SPTA1: variants seen among roughly 807,000 people sequenced by gnomAD.
SPTA1 encodes spectrin alpha, erythrocytic 1.
In SPTA1, 177 loss-of-function variants were observed where a neutral mutation model predicts 324.7. That is an observed-to-expected ratio of 0.55 (90% CI 0.48 to 0.62). The LOEUF (loss-of-function observed/expected upper bound fraction) is 0.62, where lower values mean the gene tolerates loss of function less well. Among genes scored for constraint, SPTA1 ranks in the 20% least tolerant of loss-of-function variants. The probability of loss-of-function intolerance (pLI) is 0.00; values close to 1 mark genes in which losing one functional copy is unlikely to be tolerated. For synonymous variants in SPTA1, 1,195 were observed against 1,041.3 expected, an observed-to-expected ratio of 1.15 and a Z score of -2.84; for missense variants, 3,162 against 2,883.6, an observed-to-expected ratio of 1.10 and a Z score of -2.21.
Position 158,676,175 on chromosome 1 carries a change from T to A in SPTA1, c.1078A>T (p.Thr360Ser), listed in dbSNP as rs34133563. The change falls in exon 8 of 52, where the codon ACC (threonine) becomes TCC (serine). Residue 360 changes from threonine to serine, a missense_variant. Physicochemically the swap from Thr to Ser is moderately conservative, Grantham distance 58 (BLOSUM62 1). Transcript: ENST00000643759. ...SSWEHIRALA[T>S]SRYEKLQATY... is the part of the protein sequence containing the mutation. ...GCCTGCAGTTTTTCATATCTGCTGG[T>A]GGCCAGGGCACGAATATGCTCCCAG... The A allele has an allele frequency of 9.0e-4, 1,446 of 1,613,720 alleles. 12 individuals are homozygous for A. The African/African-American group carries it at 0.014, about 16-fold the overall frequency.
intron 39 of SPTA1, among the ~76,000 whole-genome samples, chr1:158,628,595 C>G (rs150407890): frequency 6.6e-6 from 1 of 151,906 alleles, no homozygotes; most frequent in Admixed American, 6.6e-5. Flanking sequence ...TTTGAAGAAA[C>G]GGTAAATGAA....
chr1:158,661,470 C>G, intron 17 of SPTA1, 61 bp from the exon 18 acceptor site: 1 of 1,610,626 alleles, frequency 6.2e-7, no homozygotes, highest in Non-Finnish European at 8.5e-7. Flanking sequence ...TAGCATACCT[C>G]ACTTTTTTAG....
At chr1:158,627,091 C>G (rs1055978040) in intron 40 of SPTA1, 84 bp from the exon 41 acceptor site, 7 of 1,547,838 alleles carry the variant, frequency 4.5e-6, no homozygotes, top group Non-Finnish European at 5.3e-6. Flanking sequence ...AAGCACTCAT[C>G]TCTCCCATTT....
chr1:158,660,024 TAC>T (rs1208122507), intron 18 of SPTA1, among the ~76,000 whole-genome samples: 22 of 152,208 alleles, frequency 1.4e-4, no homozygotes, highest in African/African-American at 5.1e-4. Context: ...ATAATAAACA[TAC>T]ACACACAAAC....
At chr1:158,660,186 G>A (rs978785729) in intron 18 of SPTA1, among the ~76,000 whole-genome samples, 2 of 152,130 alleles carry the variant, frequency 1.3e-5, no homozygotes, top group African/African-American at 4.8e-5. Flanking sequence ...ATTGATGATT[G>A]CACTAAGTGT....
intron 39 of SPTA1, among the ~76,000 whole-genome samples, chr1:158,631,664 A>T (rs976292162): frequency 1.3e-5 from 2 of 152,312 alleles, no homozygotes; most frequent in Admixed American, 1.3e-4. Context: ...TTCCCTAAAA[A>T]GGCATGTAAA....
chr1:158,621,660 C>T (rs1649918185), intron 43 of SPTA1, among the ~76,000 whole-genome samples: 1 of 152,054 alleles, frequency 6.6e-6, no homozygotes, highest in Non-Finnish European at 1.5e-5. Context: ...AAGTTGCCCA[C>T]TTAATTGATT....
chr1:158,639,727 C>T, intron 34 of SPTA1, 41 bp from the exon 35 acceptor site: 2 of 1,612,964 alleles, frequency 1.2e-6, no homozygotes, highest in Non-Finnish European at 1.7e-6. Flanking sequence ...CCAGGTGAAA[C>T]TGCCTTTAAG....
intron 51 of SPTA1, chr1:158,611,755 G>C: frequency 4.2e-6 from 1 of 240,114 alleles, no homozygotes; most frequent in East Asian, 1.2e-4. Flanking sequence ...TATGAGTAAG[G>C]TAAAATACTC....
In SPTA1 at chr1:158,661,271, T is replaced by A. The variant is rs752119145; in HGVS notation, c.2587+16A>T. 64 of 1,613,700 alleles carry A rather than the reference T, an allele frequency of 4.0e-5. No homozygotes were observed. The highest frequency in any genetic ancestry group is 5.3e-5 in the Non-Finnish European group (62 of 1,179,782). On this transcript the variant is annotated intron_variant, in intron 18 of 51. Transcript: ENST00000643759. The stretch of plus-strand genomic sequence containing the variant: ...CCTGGTGATGTTTTGTCCAACTGAA[T>A]CTCAATCATACATACCTTCCTCTAC...
chr1:158,649,008 T>C (rs746519763), intron 25 of SPTA1, among the ~76,000 whole-genome samples: 1 of 152,214 alleles, frequency 6.6e-6, no homozygotes, highest in Admixed American at 6.5e-5. Flanking sequence ...CATAGCTTTC[T>C]ATCTTAAGCA....
At chr1:158,654,515 A>T in intron 21 of SPTA1, 96 bp downstream of exon 21, 1 of 1,508,016 alleles carries the variant, frequency 6.6e-7, no homozygotes, top group Non-Finnish European at 9.0e-7. Context: ...TAATAAAATA[A>T]ATGTTAGATG....
Position 158,652,982 on chromosome 1 carries a change from GT to G in SPTA1, c.3188+291del, listed in dbSNP as rs527576729. On this transcript the variant is annotated intron_variant, in intron 22 of 51. Coordinates refer to ENST00000643759, the MANE Select transcript of SPTA1 (RefSeq NM_003126.4). ...TGAAAAGCCTGGCATAGTAAACAAA[GT>G]TCATATAGATGTCAGGAGACTTTAA... Among the ~76,000 whole-genome samples the G allele has an allele frequency of 9.9e-5, 15 of 152,254 alleles. No homozygotes were observed. The South Asian group carries it at 2.5e-3, about 25-fold the overall frequency.
At chr1:158,669,585 T>C (rs780089650) in intron 13 of SPTA1, 22 bp from the exon 14 acceptor site, 1 of 1,614,126 alleles carries the variant, frequency 6.2e-7, no homozygotes, top group South Asian at 1.1e-5. Flanking sequence ...ATGAGTAAAC[T>C]TACTGTCAGC....
intron 22 of SPTA1, 105 bp from the exon 23 acceptor site, chr1:158,652,758 A>C (rs1050133065): frequency 7.6e-7 from 1 of 1,314,292 alleles, no homozygotes; most frequent in African/African-American, 1.5e-5. Flanking sequence ...TGAAAGGGAA[A>C]ACAAATCAAA....
chr1:158,676,443 C>A (rs1654400634), intron 7 of SPTA1, 148 bp from the exon 8 acceptor site: 1 of 801,478 alleles, frequency 1.2e-6, no homozygotes, highest in South Asian at 1.7e-5. Context: ...TACTAATGTA[C>A]TACATTGATA....
chr1:158,620,404 C>G lies in SPTA1; in HGVS notation c.6183G>C (p.Lys2061Asn), dbSNP rs772011628. The G allele has an allele frequency of 6.2e-7, 1 of 1,613,746 alleles. No homozygotes were observed. The highest frequency in any genetic ancestry group is 1.7e-5 in the Admixed American group (1 of 59,990). ...CAGGCTCTGACAAGTTTTCTTCCAT[C>G]TTTTCACACCAGTTGTTCAAAGCTG... ...KASALNNWCE[K>N]MEENLSEPVH... The change falls in exon 44 of 52, where the codon AAG becomes AAC. Residue 2061 changes from lysine to asparagine, a missense_variant. Physicochemically the swap from Lys to Asn is moderately conservative, Grantham distance 94. Transcript: ENST00000643759.
At position 158,643,353 on chromosome 1, in the gene SPTA1, T is replaced by C. The variant is rs759628415; in HGVS notation, c.4411A>G (p.Ile1471Val). The C allele has an allele frequency of 6.2e-6, 10 of 1,613,908 alleles. No individual in the cohort carries two copies. The highest frequency in any genetic ancestry group is 8.5e-6 in the Non-Finnish European group (10 of 1,179,914). Reference sequence around the variant, plus strand: ...AGTACACGTTGGAGCCGCGTAGCAATCTCTTCTTTGGCATAGTGTTCATCA... The same window carrying C: ...AGTACACGTTGGAGCCGCGTAGCAACCTCTTCTTTGGCATAGTGTTCATCA... The part of the protein sequence containing the change: ...IADEHYAKEE[I>V]ATRLQRVLDR... The change falls in exon 31 of 52, where the codon ATT becomes GTT. Residue 1471 changes from isoleucine to valine, a missense_variant. Transcript: ENST00000643759.
rs1652530927 is a variant in SPTA1 at position 158,652,583 on chromosome 1, A to G, written c.3259T>C (p.Leu1087=). The G allele has an allele frequency of 6.2e-7, 1 of 1,614,152 alleles. No homozygotes were observed. The highest frequency in any genetic ancestry group is 8.5e-7 in the Non-Finnish European group (1 of 1,180,030). Residue 1087 remains leucine (L), a synonymous_variant, in exon 23 of 52, where the codon TTG becomes CTG. Transcript: ENST00000643759. ...AGCATGTCTCCTGCCTCATAGGCCA[A>G]TAAAAATTCATTATAACGTTGCAAT... is the stretch of plus-strand genomic sequence containing the variant. The part of the protein sequence containing the change: ...RLLQRYNEFL[L]AYEAGDMLEW...
Sources: gnomAD v4.1 joint callset for allele counts (sites outside exome capture counted in the v4.1 genomes callset) on GRCh38, gnomAD v4.1.1 for gene constraint, MANE v1.5 for transcripts, NCBI Gene and HGNC (gene_info 2026-07-23, HGNC 2026-07-21) for gene names.